Variants in MTBP observed in about 807,000 individuals in gnomAD.
MTBP encodes the protein mdm2-binding protein.
Under a neutral mutation model 117.0 loss-of-function variants are expected in MTBP, and 101 were observed. That is an observed-to-expected ratio of 0.86 (90% confidence interval 0.73 to 1.02). The LOEUF is 1.02. Among genes scored for constraint, MTBP ranks in the 50% least tolerant of loss-of-function variants. The pLI is 0.00. For synonymous variants in MTBP, 350 were observed against 351.5 expected (o/e 1.00, Z 0.05); for missense variants, 970 against 1,030.9 (o/e 0.94, Z 0.81).
chr8:120,488,364 T>G (rs1318070813), intron 12 of MTBP, 32 bp downstream of exon 12: 3 of 1,461,172 alleles, frequency 2.1e-6, no homozygotes, highest in Non-Finnish European at 2.7e-6. Flanking sequence ...AAAAACATGT[T>G]TACATTGTTT....
intron 2 of MTBP, among the ~76,000 whole-genome samples, chr8:120,450,214 A>G (rs888286148): frequency 1.3e-5 from 2 of 152,128 alleles, no homozygotes; most frequent in African/African-American, 4.8e-5. Flanking sequence ...TGCTTCTTAC[A>G]CGTTAAAGGG....
chr8:120,491,841 G>A (rs1419073620), intron 13 of MTBP, among the ~76,000 whole-genome samples: 1 of 152,016 alleles, frequency 6.6e-6, no homozygotes, highest in African/African-American at 2.4e-5. Flanking sequence ...TAAAGCTGGT[G>A]CATCTCTTCT....
intron 10 of MTBP, among the ~76,000 whole-genome samples, chr8:120,466,334 C>T (rs974564010): frequency 6.6e-6 from 1 of 150,996 alleles, no homozygotes; most frequent in Non-Finnish European, 1.5e-5. Flanking sequence ...GGCTCAGCCA[C>T]TCAACTACCT....
intron 15 of MTBP, among the ~76,000 whole-genome samples, chr8:120,506,450 A>G (rs1009071496): frequency 2.0e-5 from 3 of 152,202 alleles, no homozygotes; most frequent in Admixed American, 6.6e-5. Context: ...TAGTTAAAAT[A>G]CTACTTCTTG....
At chr8:120,504,698 C>A (rs1236988619) in intron 15 of MTBP, among the ~76,000 whole-genome samples, 1 of 151,428 alleles carries the variant, frequency 6.6e-6, no homozygotes, top group Admixed American at 6.6e-5. Context: ...CAATACTATT[C>A]TTCCCTTCAT....
chr8:120,518,599 C>A, intron 19 of MTBP, 105 bp from the exon 20 acceptor site: 1 of 671,734 alleles, frequency 1.5e-6, no homozygotes, highest in Non-Finnish European at 2.4e-6. Context: ...TGTCTTTTAG[C>A]ACAGCAAAAT....
intron 19 of MTBP, 82 bp from the exon 20 acceptor site, chr8:120,518,622 C>A: frequency 1.2e-6 from 1 of 842,078 alleles, no homozygotes; most frequent in Non-Finnish European, 1.8e-6. Flanking sequence ...ATGTGTAATT[C>A]ACAGGATTGA....
chr8:120,501,419 T>A (rs1228237818), intron 14 of MTBP, among the ~76,000 whole-genome samples: 1 of 150,434 alleles, frequency 6.6e-6, no homozygotes, highest in East Asian at 2.0e-4. Flanking sequence ...CATAGTGGCA[T>A]GTACCTGTAA....
chr8:120,509,997 GA>G lies in MTBP; in HGVS notation c.1950del (p.Ala651ProfsTer52). 6.2e-7 allele frequency: 1 copy of G among 1,612,226 alleles called. No homozygotes were observed. The highest frequency in any genetic ancestry group is 8.5e-7 in the Non-Finnish European group (1 of 1,179,030). On this transcript the variant is annotated frameshift_variant, in exon 17 of 22. Coordinates refer to ENST00000305949, the MANE Select transcript of MTBP (RefSeq NM_022045.5). LOFTEE classifies it high-confidence loss of function. The part of the protein sequence containing the change: ...PGKLQVLPFE[K>X]ASVCHYHGIE... ...GGAAACTTCAGGTCTTACCTTTTGA[GA>G]AAGCCTCAGTATGTCATTATCATGG...
chr8:120,514,517 C>T lies in MTBP; in HGVS notation c.1980-1408C>T, dbSNP rs74621389. On this transcript the variant is annotated intron_variant, in intron 17 of 21. Transcript: ENST00000305949. Reference sequence around the variant, plus strand: ...CAGAAACACTGAGCAAGTAGTATTTCTTGAAAGCTCTTCAGATGGTTCTAA... The same window carrying T: ...CAGAAACACTGAGCAAGTAGTATTTTTTGAAAGCTCTTCAGATGGTTCTAA... Among the ~76,000 whole-genome samples the T allele has an allele frequency of 9.3e-3, 1,417 of 152,156 alleles. 11 individuals are homozygous for T. Among genetic ancestry groups the T allele is most frequent in the Non-Finnish European group, 0.016 (1,119 of 67,940 alleles).
At chr8:120,455,622 G>T in intron 6 of MTBP, 43 bp downstream of exon 6, 2 of 1,564,776 alleles carry the variant, frequency 1.3e-6, no homozygotes, top group Non-Finnish European at 1.7e-6. Context: ...TGCCTTGTCT[G>T]TTTTCACAAT....
chr8:120,463,045 T>A (rs531038842), intron 9 of MTBP, among the ~76,000 whole-genome samples: 1 of 152,248 alleles, frequency 6.6e-6, no homozygotes, highest in South Asian at 2.1e-4. Context: ...AAAAAAATCT[T>A]CCCTCAAATA....
In MTBP at chr8:120,463,709, C is replaced by G; in HGVS notation, c.995C>G (p.Thr332Ser). ...TAGTACAGAGGATTGACAAACAGTA[C>G]CAAACAGAATTCTGTGTTGCTGTTG... ...IEFELGLTNS[T>S]KQNSVLLLEQ... Residue 332 changes from threonine (T) to serine (S), a missense_variant, in exon 10 of 22, where the codon ACC becomes AGC. By Grantham distance (58) the Thr-to-Ser change is moderately conservative (BLOSUM62 1). Transcript: ENST00000305949. 6.2e-7 allele frequency: 1 copy of G among 1,611,112 alleles called. No homozygotes were observed. The highest frequency in any genetic ancestry group is 1.7e-4 in the Middle Eastern group (1 of 6,042).
chr8:120,463,631 T>C lies in MTBP; in HGVS notation c.978-61T>C, dbSNP rs1455884119. The C allele has an allele frequency of 3.8e-6, 5 of 1,300,224 alleles. No individual in the cohort carries two copies. In the African/African-American group the frequency reaches 5.9e-5, roughly 15 times the overall value. 80.5% of individuals were successfully genotyped at this position (1,300,224 alleles called of 1,614,324 possible). ...GGAAGAATTGAAATAATGAAACTTA[T>C]TTTAAGGAGTACATTGTTTCATGGG... On this transcript the variant is annotated intron_variant, in intron 9 of 21. Coordinates refer to ENST00000305949, the MANE Select transcript of MTBP (RefSeq NM_022045.5).
At chr8:120,497,591 T>C in intron 14 of MTBP, 37 bp downstream of exon 14, 1 of 994,722 alleles carries the variant, frequency 1.0e-6, no homozygotes. Context: ...AGTTCGTGTG[T>C]GTGTGGCAAC....
At chr8:120,480,291 T>C (rs1196988108) in intron 11 of MTBP, among the ~76,000 whole-genome samples, 2 of 150,228 alleles carry the variant, frequency 1.3e-5, no homozygotes, top group Non-Finnish European at 3.0e-5. Context: ...GCACCTGTAA[T>C]CCCAGCTGCT....
At chr8:120,487,390 C>T (rs780592821) in intron 11 of MTBP, among the ~76,000 whole-genome samples, 3 of 152,164 alleles carry the variant, frequency 2.0e-5, no homozygotes, top group Non-Finnish European at 4.4e-5. Context: ...TGTTCATATG[C>T]TTTTCTGCTT....
chr8:120,467,806 A>G (rs900453465), intron 10 of MTBP, among the ~76,000 whole-genome samples: 8 of 152,174 alleles, frequency 5.3e-5, no homozygotes, highest in Admixed American at 2.6e-4. Context: ...AGGGAATTAT[A>G]GTTTGTGTGA....
At chr8:120,476,359 C>T (rs915816506) in intron 11 of MTBP, among the ~76,000 whole-genome samples, 5 of 151,984 alleles carry the variant, frequency 3.3e-5, no homozygotes, top group South Asian at 2.1e-4. Flanking sequence ...ACAAAGATGC[C>T]GTCTCTCACC....
Sources: gnomAD v4.1 joint callset for allele counts (sites outside exome capture counted in the v4.1 genomes callset) on GRCh38, gnomAD v4.1.1 for gene constraint, MANE v1.5 for transcripts, NCBI Gene and HGNC (gene_info 2026-07-23, HGNC 2026-07-21) for gene names.